Variants in C5orf22 observed in about 807,000 individuals in gnomAD.
C5orf22 encodes UPF0489 protein C5orf22.
A neutral mutation model predicts 48.7 loss-of-function variants in C5orf22; 36 were observed. The ratio of observed to expected loss-of-function variants is 0.74; its 90% CI spans 0.57 to 0.98. C5orf22 has a LOEUF of 0.98. Among genes scored for constraint, C5orf22 ranks in the 50% least tolerant of loss-of-function variants. The pLI is 0.00. For missense variants in C5orf22, 486 were observed against 521.9 expected, an observed-to-expected ratio of 0.93 and a Z score of 0.67; for synonymous variants, 141 against 180.8, an observed-to-expected ratio of 0.78 and a Z score of 1.76.
chr5:31,551,372 T>A lies in C5orf22; in HGVS notation c.1139T>A (p.Ile380Asn). ...ISTEQEIECLIQSVHYLLKNL... is the reference protein window; with the variant it reads ...ISTEQEIECLNQSVHYLLKNL... The stretch of plus-strand genomic sequence containing the variant: ...ACAGAACAAGAAATAGAGTGTCTTA[T>A]TCAATCTGTGCATTATTTGCTGAAA... Residue 380 changes from isoleucine (I) to asparagine (N), a missense_variant, in exon 8 of 9, where the codon ATT becomes AAT. Physicochemically the swap from Ile to Asn is moderately radical, Grantham distance 149. Coordinates refer to ENST00000325366, the MANE Select transcript of C5orf22 (RefSeq NM_018356.3). 1 of 1,613,720 alleles carries A rather than the reference T, an allele frequency of 6.2e-7. No individual in the cohort carries two copies. The highest frequency in any genetic ancestry group is 1.1e-5 in the South Asian group (1 of 91,014).
intron 4 of C5orf22, among the ~76,000 whole-genome samples, chr5:31,540,429 C>G (rs1016991179): frequency 6.6e-6 from 1 of 152,056 alleles, no homozygotes; most frequent in Admixed American, 6.6e-5. Context: ...GCCTCCTGAC[C>G]GAGGTTCTAT....
intron 8 of C5orf22, among the ~76,000 whole-genome samples, chr5:31,551,957 A>C (rs1743294903): frequency 6.6e-6 from 1 of 152,230 alleles, no homozygotes; most frequent in African/African-American, 2.4e-5. Flanking sequence ...CTTACAGATT[A>C]TCTCTTTAGG....
chr5:31,541,105 A>AGTGT (rs35650579), intron 5 of C5orf22, 94 bp downstream of exon 5: 11,062 of 674,920 alleles, frequency 0.016, 54 homozygotes, highest in East Asian at 0.055. Flanking sequence ...GACTGCTCAA[A>AGTGT]GTGTGTGTGT....
At chr5:31,543,851 G>A (rs543597539) in intron 6 of C5orf22, among the ~76,000 whole-genome samples, 110 of 152,244 alleles carry the variant, frequency 7.2e-4, no homozygotes, top group African/African-American at 2.6e-3. Flanking sequence ...TACTGAGCAT[G>A]CCCAGTTAGC....
chr5:31,550,204 T>A (rs1420692041), intron 7 of C5orf22, among the ~76,000 whole-genome samples: 1 of 152,238 alleles, frequency 6.6e-6, no homozygotes. Flanking sequence ...ATTAGTGTGT[T>A]TTTTCATACT....
At position 31,554,985 on chromosome 5, in the gene C5orf22, C is replaced by A. The variant is rs866306131; in HGVS notation, c.*2083C>A. 6.6e-6 allele frequency: 1 copy of A among 152,046 alleles called. No individual in the cohort carries two copies. Among genetic ancestry groups the A allele is most frequent in the Non-Finnish European group, 1.5e-5 (1 of 68,010 alleles). The allele number at this position is 152,046 out of a possible 1,614,324, so 9.4% of individuals were successfully genotyped here. A position where few individuals can be genotyped will look rare whatever the true frequency, so the allele number is the denominator to read the frequency against. On this transcript the variant is annotated 3_prime_UTR_variant, in exon 9 of 9. Coordinates refer to ENST00000325366, the MANE Select transcript of C5orf22 (RefSeq NM_018356.3). ...GTTCTGAGTACCAGTGAGGGGATAC[C>A]GTGGTACAGTGTTTTGAATTGTGTA...
In C5orf22 at chr5:31,551,340, T is replaced by TATCAGCAC. The variant is rs773962462; in HGVS notation, c.1109_1116dup (p.Glu373SerfsTer7). The TATCAGCAC allele has an allele frequency of 1.2e-6, 2 of 1,613,616 alleles. No individual in the cohort carries two copies. The highest frequency in any genetic ancestry group is 1.7e-6 in the Non-Finnish European group (2 of 1,179,770). On this transcript the variant is annotated frameshift_variant, in exon 8 of 9. Coordinates refer to ENST00000325366, the MANE Select transcript of C5orf22 (RefSeq NM_018356.3). LOFTEE classifies it high-confidence loss of function. ...GCGATTATTCAGAACTTCCTCACCATATCAGCACAGAACAAGAAATAGAGT... is the reference window on the plus strand; with the variant it reads ...GCGATTATTCAGAACTTCCTCACCATATCAGCACATCAGCACAGAACAAGAAATAGAGT...
chr5:31,545,759 A>G (rs747140653), intron 7 of C5orf22, 47 bp downstream of exon 7: 1 of 1,244,270 alleles, frequency 8.0e-7, no homozygotes, highest in Non-Finnish European at 1.2e-6. Context: ...TGTAAAGACA[A>G]TTTTCTGGGT....
intron 3 of C5orf22, among the ~76,000 whole-genome samples, chr5:31,536,788 C>A (rs191037206): frequency 6.6e-6 from 1 of 152,150 alleles, no homozygotes; most frequent in Admixed American, 6.5e-5. Flanking sequence ...ATAATACTTT[C>A]AGAAATATCA....
chr5:31,544,284 C>A (rs1034347303), intron 6 of C5orf22, among the ~76,000 whole-genome samples: 1 of 152,168 alleles, frequency 6.6e-6, no homozygotes, highest in African/African-American at 2.4e-5. Context: ...AAACTTAATA[C>A]CTTAAAAGCA....
In C5orf22 at chr5:31,535,781, T is replaced by G. The variant is rs1301418378; in HGVS notation, c.265T>G (p.Tyr89Asp). ...SIENWIMPAV[Y>D]AGHFSHVIWF... is the part of the protein sequence containing the mutation. Reference sequence around the variant, plus strand: ...TGAAAATTGGATTATGCCTGCAGTTTATGCTGGCCATTTTTCACATGTAAT... The same window carrying G: ...TGAAAATTGGATTATGCCTGCAGTTGATGCTGGCCATTTTTCACATGTAAT... The change falls in exon 3 of 9, where the codon TAT becomes GAT. Residue 89 changes from tyrosine to aspartate, a missense_variant. Around this residue, in one of 3 missense-constraint regions of C5orf22, gnomAD observed 408 missense variants for 444.0 expected, o/e 0.92. Transcript: ENST00000325366. 1 of 1,612,440 alleles carries G rather than the reference T, an allele frequency of 6.2e-7. No homozygotes were observed.
intron 3 of C5orf22, among the ~76,000 whole-genome samples, chr5:31,536,585 TC>T (rs1292476918): frequency 1.3e-5 from 2 of 152,200 alleles, no homozygotes; most frequent in Non-Finnish European, 2.9e-5. Context: ...GGCAAAATTA[TC>T]TCACTTTGAT....
In C5orf22 at chr5:31,552,999, T is replaced by C. The variant is rs1371654573; in HGVS notation, c.*97T>C. The C allele has an allele frequency of 2.8e-6, 3 of 1,071,546 alleles. No individual in the cohort carries two copies. The highest frequency in any genetic ancestry group is 2.7e-6 in the Non-Finnish European group (2 of 744,698). 66.4% of individuals were successfully genotyped at this position (1,071,546 alleles called of 1,614,324 possible). A position where few individuals can be genotyped will look rare whatever the true frequency, so the allele number is the denominator to read the frequency against. ...GAGTCTTCCAGAGAACACTGTTTTA[T>C]ATTAACTTTCAGTTGAAATCTTTCA... is the stretch of plus-strand genomic sequence containing the variant. On this transcript the variant is annotated 3_prime_UTR_variant, in exon 9 of 9. Transcript: ENST00000325366.
At chr5:31,536,003 C>A in intron 3 of C5orf22, 110 bp downstream of exon 3, 1 of 1,032,370 alleles carries the variant, frequency 9.7e-7, no homozygotes, top group Non-Finnish European at 1.4e-6. Context: ...CAGATTAAGC[C>A]TCGACTTCTC....
rs550144449 is a variant in C5orf22, at chr5:31,536,823, C to G, written c.377+930C>G. Among the ~76,000 whole-genome samples, 286 of 152,198 alleles carry G rather than the reference C, an allele frequency of 1.9e-3. 1 individual carries two copies. The highest frequency in any genetic ancestry group is 6.8e-3 in the African/African-American group (282 of 41,532). ...AATATGTTCTTGACTTTAAAATTCTCTTGTGATGGGATAAATATTTTAAAC... is the reference window on the plus strand; with the variant it reads ...AATATGTTCTTGACTTTAAAATTCTGTTGTGATGGGATAAATATTTTAAAC... On this transcript the variant is annotated intron_variant, in intron 3 of 8. Transcript: ENST00000325366.
chr5:31,541,159 G>C, intron 5 of C5orf22, 122 bp from the exon 6 acceptor site: 1 of 1,062,916 alleles, frequency 9.4e-7, no homozygotes, highest in Non-Finnish European at 1.4e-6. Context: ...TATTGGCGAA[G>C]CCCATGGTTA....
rs376281573 is a variant in C5orf22 at position 31,535,845 on chromosome 5, G to A, written c.329G>A (p.Gly110Asp). ...HPTWAQQIRE[G>D]RHHFLVGKDT... ...ACATGGGCTCAGCAGATCAGAGAGG[G>A]CAGACACCACTTTTTAGTAGGCAAA... Residue 110 changes from glycine to aspartate, a missense_variant, in exon 3 of 9, where the codon GGC becomes GAC. Physicochemically the swap from Gly to Asp is moderately conservative, Grantham distance 94 (BLOSUM62 -1). Transcript: ENST00000325366. 17 of 1,613,426 alleles carry A rather than the reference G, an allele frequency of 1.1e-5. No homozygotes were observed. In the African/African-American group the frequency reaches 1.1e-4, roughly 10 times the overall value.
intron 2 of C5orf22, chr5:31,534,980 T>C: frequency 2.2e-6 from 1 of 455,236 alleles, no homozygotes; most frequent in Non-Finnish European, 4.4e-6. Context: ...TTCTCACGTC[T>C]ATTTCTGCAT....
intron 3 of C5orf22, among the ~76,000 whole-genome samples, chr5:31,537,567 TAGA>T (rs1040946455): frequency 2.6e-5 from 4 of 152,210 alleles, no homozygotes; most frequent in Admixed American, 1.3e-4. Context: ...GGCATGCCTC[TAGA>T]AGAAGTATTT....
Sources: gnomAD v4.1 joint callset for allele counts (sites outside exome capture counted in the v4.1 genomes callset) on GRCh38, gnomAD v4.1.1 for gene constraint, gnomAD v4.1.1 regional missense constraint, MANE v1.5 for transcripts, NCBI Gene and HGNC (gene_info 2026-07-23, HGNC 2026-07-21) for gene names.